RYR2: variants seen among roughly 807,000 people sequenced by gnomAD.
RYR2 encodes the protein cardiac muscle ryanodine receptor-calcium release channel.
RYR2 carries 227 observed loss-of-function variants against 601.1 expected under a neutral mutation model. The ratio of observed to expected loss-of-function variants is 0.38; its 90% CI spans 0.34 to 0.42. RYR2 has a LOEUF of 0.42. Among genes scored for constraint, RYR2 ranks in the 10% least tolerant of loss-of-function variants. The pLI, the probability that RYR2 is intolerant of heterozygous loss-of-function variation, is 1.00. For synonymous variants in RYR2, 2,223 were observed against 2,175.1 expected (o/e 1.02, Z -0.61); for missense variants, 4,646 against 6,156.5 (o/e 0.75, Z 8.21).
At chr1:237,601,141 A>G (rs1027586548) in intron 34 of RYR2, among the ~76,000 whole-genome samples, 25 of 152,222 alleles carry the variant, frequency 1.6e-4, no homozygotes, top group African/African-American at 5.8e-4. Flanking sequence ...TTCTATAATT[A>G]TCACAGCACT....
intron 5 of RYR2, among the ~76,000 whole-genome samples, chr1:237,365,882 A>G (rs1005541815): frequency 7.2e-5 from 11 of 152,230 alleles, no homozygotes; most frequent in Admixed American, 7.2e-4. Flanking sequence ...AGAATTAGTT[A>G]AAAGCAGGTG....
At chr1:237,215,302 G>GATTA (rs897380390) in intron 1 of RYR2, among the ~76,000 whole-genome samples, 1 of 152,112 alleles carries the variant, frequency 6.6e-6, no homozygotes, top group African/African-American at 2.4e-5. Context: ...TTAACTCTGG[G>GATTA]ATTATGTGGC....
chr1:237,157,066 C>G (rs1202454888), intron 1 of RYR2, among the ~76,000 whole-genome samples: 1 of 151,876 alleles, frequency 6.6e-6, no homozygotes, highest in Non-Finnish European at 1.5e-5. Context: ...GAGGCCGAGG[C>G]GGGTGGATCA....
intron 27 of RYR2, among the ~76,000 whole-genome samples, chr1:237,558,190 G>T (rs886521360): frequency 6.6e-6 from 1 of 152,166 alleles, no homozygotes; most frequent in African/African-American, 2.4e-5. Flanking sequence ...TAGTAGGAAA[G>T]AAGTAAAGAT....
intron 56 of RYR2, among the ~76,000 whole-genome samples, chr1:237,665,394 T>C: frequency 9.0e-6 from 1 of 110,836 alleles, no homozygotes; most frequent in Non-Finnish European, 1.8e-5. Flanking sequence ...CGAGACTCTG[T>C]CTCAAAAAAA....
chr1:237,725,525 A>T (rs1262028762), intron 74 of RYR2, among the ~76,000 whole-genome samples: 2 of 152,078 alleles, frequency 1.3e-5, no homozygotes, highest in African/African-American at 4.8e-5. Context: ...TATATCTGGT[A>T]AGTTTTCTTA....
chr1:237,306,477 A>G (rs115247819), intron 2 of RYR2, among the ~76,000 whole-genome samples: 1 of 152,198 alleles, frequency 6.6e-6, no homozygotes, highest in Non-Finnish European at 1.5e-5. Flanking sequence ...TGCACATCCA[A>G]AAATTTTGAG....
rs147491710 is a variant in RYR2, at chr1:237,426,688, G to A, written c.1005+3440G>A. Among the ~76,000 whole-genome samples, 1,479 of 152,162 alleles carry A rather than the reference G, an allele frequency of 9.7e-3. 13 individuals are homozygous for A. Among genetic ancestry groups the A allele is most frequent in the Non-Finnish European group, 0.017 (1,123 of 68,010 alleles). ...ATATAACATACCCAAATAAAATCTC[G>A]AAGAAGTAGAAAAACATGAACCGGT... On this transcript the variant is annotated intron_variant, in intron 12 of 104. Coordinates refer to ENST00000366574, the MANE Select transcript of RYR2 (RefSeq NM_001035.3).
intron 5 of RYR2, among the ~76,000 whole-genome samples, chr1:237,367,236 C>T (rs1194492219): frequency 6.6e-6 from 1 of 152,074 alleles, no homozygotes; most frequent in East Asian, 1.9e-4. Flanking sequence ...GCTGGGATTA[C>T]AGGCGCCCGC....
Position 237,783,678 on chromosome 1 carries a change from ATGT to A in RYR2, c.11971_11973del (p.Val3991del). 1 of 1,594,740 alleles carries A rather than the reference ATGT, an allele frequency of 6.3e-7. No homozygotes were observed. ...AATGCAACTGCTTTACCACCAGGTA[ATGT>A]TGTTAATGGAACGATTGGCAAACAG... is the stretch of plus-strand genomic sequence containing the variant. On this transcript the variant is annotated inframe_deletion, in exon 90 of 105. Coordinates refer to ENST00000366574, the MANE Select transcript of RYR2 (RefSeq NM_001035.3).
At chr1:237,296,692 T>C (rs1692814556) in intron 2 of RYR2, among the ~76,000 whole-genome samples, 1 of 152,142 alleles carries the variant, frequency 6.6e-6, no homozygotes, top group Non-Finnish European at 1.5e-5. Context: ...TTGGGTTATA[T>C]TATGGTATTT....
chr1:237,598,987 G>A (rs1035415586), intron 34 of RYR2, among the ~76,000 whole-genome samples: 10 of 152,040 alleles, frequency 6.6e-5, no homozygotes, highest in Non-Finnish European at 1.3e-4. Context: ...AGGATAATGA[G>A]AAAATATTAT....
chr1:237,462,429 G>T (rs1486573464), intron 16 of RYR2, among the ~76,000 whole-genome samples: 1 of 152,196 alleles, frequency 6.6e-6, no homozygotes, highest in Non-Finnish European at 1.5e-5. Context: ...GATACTCATA[G>T]TTGGAAAAGC....
rs755543573 is a variant in RYR2, at chr1:237,808,858, T to C, written c.14299-43T>C. 4 of 1,606,072 alleles carry C rather than the reference T, an allele frequency of 2.5e-6. No individual in the cohort carries two copies. In the African/African-American group the frequency reaches 5.3e-5, roughly 21 times the overall value. ...GTAGATGTCACGTGTCAATTGTATG[T>C]CCTACATTTCTAATACCTGGTCCTT... On this transcript the variant is annotated intron_variant, in intron 99 of 104. Coordinates refer to ENST00000366574, the MANE Select transcript of RYR2 (RefSeq NM_001035.3).
At position 237,333,586 on chromosome 1, in the gene RYR2, A is replaced by G. The variant is rs1200531007; in HGVS notation, c.273+2604A>G. The stretch of plus-strand genomic sequence containing the variant: ...CAAGAAGGATAGATATTTTCCACTT[A>G]ACCATTTTATTCATAAGGATGTGCA... On this transcript the variant is annotated intron_variant, in intron 3 of 104. Coordinates refer to ENST00000366574, the MANE Select transcript of RYR2 (RefSeq NM_001035.3). 1.5e-5 allele frequency: 7 copies of G among 455,880 alleles called. No individual in the cohort carries two copies. The Admixed American group carries it at 1.6e-4, about 11-fold the overall frequency. 28.2% of individuals were successfully genotyped at this position (455,880 alleles called of 1,614,324 possible).
At chr1:237,373,555 G>C (rs575989042) in intron 6 of RYR2, among the ~76,000 whole-genome samples, 32 of 152,258 alleles carry the variant, frequency 2.1e-4, no homozygotes, top group Middle Eastern at 6.8e-3. Flanking sequence ...TACCACATTC[G>C]TCTTTGTATC....
intron 48 of RYR2, among the ~76,000 whole-genome samples, 172 bp downstream of exon 48, chr1:237,643,619 C>CTCT (rs1681808438): frequency 1.4e-5 from 2 of 147,338 alleles, no homozygotes; most frequent in Admixed American, 6.7e-5. Flanking sequence ...TAATTTTTTC[C>CTCT]TTTTTTTTTT....
intron 3 of RYR2, among the ~76,000 whole-genome samples, chr1:237,352,637 C>A (rs1698956284): frequency 6.6e-6 from 1 of 152,078 alleles, no homozygotes; most frequent in Non-Finnish European, 1.5e-5. Context: ...TTATCAAATA[C>A]AACTTTGAAG....
chr1:237,472,395 TA>T (rs1660831851), intron 17 of RYR2, among the ~76,000 whole-genome samples: 1 of 152,190 alleles, frequency 6.6e-6, no homozygotes, highest in Non-Finnish European at 1.5e-5. Context: ...TTCTAGTCTT[TA>T]CTGCCTTGGC....
Sources: gnomAD v4.1 joint callset for allele counts (sites outside exome capture counted in the v4.1 genomes callset) on GRCh38, gnomAD v4.1.1 for gene constraint, MANE v1.5 for transcripts, NCBI Gene and HGNC (gene_info 2026-07-23, HGNC 2026-07-21) for gene names.